The following NLN variants were observed in gnomAD, a reference collection of about 807,000 sequenced individuals.
NLN encodes neurolysin.
In NLN, 64 loss-of-function variants were observed where a neutral mutation model predicts 79.9. That is an observed-to-expected ratio of 0.80 (90% CI 0.65 to 0.99). NLN has a LOEUF of 0.99. Among genes scored for constraint, NLN ranks in the 50% least tolerant of loss-of-function variants. The pLI is 0.00. For synonymous variants in NLN, 267 were observed against 296.6 expected, an observed-to-expected ratio of 0.90 and a Z score of 1.02; for missense variants, 835 against 858.7, an observed-to-expected ratio of 0.97 and a Z score of 0.34.
At chr5:65,802,071 G>A (rs529937108) in intron 9 of NLN, among the ~76,000 whole-genome samples, 43 of 152,280 alleles carry the variant, frequency 2.8e-4, no homozygotes, top group South Asian at 4.1e-4. Context: ...GTAGTGTCAC[G>A]GGATCCTTGG....
intron 8 of NLN, among the ~76,000 whole-genome samples, chr5:65,791,950 T>C (rs895297784): frequency 1.1e-4 from 17 of 152,298 alleles, no homozygotes; most frequent in African/African-American, 3.1e-4. Context: ...AAAAGGCCTG[T>C]CTAGTTTATA....
At chr5:65,753,423 C>A (rs1372674636) in intron 1 of NLN, among the ~76,000 whole-genome samples, 1 of 152,018 alleles carries the variant, frequency 6.6e-6, no homozygotes, top group Admixed American at 6.6e-5. Context: ...CCAAGGTGGG[C>A]GGATCACTTC....
intron 12 of NLN, among the ~76,000 whole-genome samples, chr5:65,816,700 G>A (rs541069167): frequency 6.6e-6 from 1 of 152,250 alleles, no homozygotes; most frequent in African/African-American, 2.4e-5. Context: ...ACATGTCAGT[G>A]AGTGGTGGCT....
At chr5:65,728,163 T>A (rs1758519830) in intron 1 of NLN, among the ~76,000 whole-genome samples, 2 of 152,262 alleles carry the variant, frequency 1.3e-5, no homozygotes, top group South Asian at 4.1e-4. Context: ...AAATATTAAA[T>A]ATATATATAA....
chr5:65,736,945 TA>T (rs891608927), intron 1 of NLN, among the ~76,000 whole-genome samples: 15 of 149,110 alleles, frequency 1.0e-4, no homozygotes, highest in East Asian at 7.8e-4. Context: ...TACAAAACAT[TA>T]AAAAAAAAAT....
At chr5:65,760,843 ATAAT>A (rs909200350) in intron 2 of NLN, among the ~76,000 whole-genome samples, 1 of 152,190 alleles carries the variant, frequency 6.6e-6, no homozygotes, top group Non-Finnish European at 1.5e-5. Context: ...TCTTTATAAA[ATAAT>A]TACTTTAAAT....
intron 1 of NLN, among the ~76,000 whole-genome samples, chr5:65,738,988 T>TTATATATATATTTTATAATATATATTTA (rs375915872): frequency 1.7e-5 from 2 of 118,454 alleles, no homozygotes; most frequent in East Asian, 2.1e-4. Context: ...TATTATATAT[T>TTATATATATATTTTATAATATATATTTA]TATATATATT....
At chr5:65,734,029 C>T (rs1383335368) in intron 1 of NLN, among the ~76,000 whole-genome samples, 2 of 138,942 alleles carry the variant, frequency 1.4e-5, no homozygotes, top group Non-Finnish European at 3.2e-5. Flanking sequence ...TCCAGAGTAG[C>T]TGGGACTACA....
chr5:65,730,391 C>T (rs1211842028), intron 1 of NLN, among the ~76,000 whole-genome samples: 3 of 152,104 alleles, frequency 2.0e-5, no homozygotes, highest in Admixed American at 6.5e-5. Flanking sequence ...GCAGGAGAAA[C>T]GGCACACACC....
chr5:65,827,317 T>C lies in NLN; in HGVS notation c.*4402T>C, dbSNP rs1348281343. ...ACGATGTACGTACAAGGGGAAGGGGTGAACAGGAAATAGACTCCCTTATTC... is the reference window on the plus strand; with the variant it reads ...ACGATGTACGTACAAGGGGAAGGGGCGAACAGGAAATAGACTCCCTTATTC... On this transcript the variant is annotated 3_prime_UTR_variant, in exon 13 of 13. Transcript: ENST00000380985. 6.6e-6 allele frequency: 1 copy of C among 151,916 alleles called. No homozygotes were observed. The highest frequency in any genetic ancestry group is 1.9e-4 in the East Asian group (1 of 5,180). 9.4% of individuals were successfully genotyped at this position (151,916 alleles called of 1,614,324 possible). A position where few individuals can be genotyped will look rare whatever the true frequency, so the allele number is the denominator to read the frequency against.
In NLN at chr5:65,812,354, A is replaced by G. The variant is rs141202524; in HGVS notation, c.1943A>G (p.Tyr648Cys). ...GAAGTATTTTCCATGGATATGTTTT[A>G]CAGCTGTTTTAAAAAAGAAGGGATA... is the stretch of plus-strand genomic sequence containing the variant. The part of the protein sequence containing the change: ...WSEVFSMDMF[Y>C]SCFKKEGIMN... The change falls in exon 12 of 13, where the codon TAC becomes TGC. Residue 648 changes from tyrosine to cysteine, a missense_variant. Tyr to Cys is a radical substitution (Grantham distance 194, BLOSUM62 -2). Transcript: ENST00000380985. The G allele has an allele frequency of 5.1e-6, 8 of 1,568,572 alleles. No homozygotes were observed. In the African/African-American group the frequency reaches 9.5e-5, roughly 19 times the overall value.
At chr5:65,763,769 G>A (rs530118555) in intron 3 of NLN, among the ~76,000 whole-genome samples, 1 of 151,652 alleles carries the variant, frequency 6.6e-6, no homozygotes, top group South Asian at 2.1e-4. Context: ...AGCAGACCGT[G>A]ACAAGAGTTG....
chr5:65,743,239 A>C (rs1344047526), intron 1 of NLN, among the ~76,000 whole-genome samples: 1 of 152,240 alleles, frequency 6.6e-6, no homozygotes, highest in East Asian at 1.9e-4. Context: ...AATATTTACT[A>C]AGCACCAGGG....
chr5:65,771,743 A>G (rs1167598113), intron 3 of NLN, among the ~76,000 whole-genome samples: 4 of 152,118 alleles, frequency 2.6e-5, no homozygotes, highest in African/African-American at 7.2e-5. Flanking sequence ...CCGACCGGGT[A>G]TAGTGGCTCA....
At chr5:65,741,857 A>G (rs189289272) in intron 1 of NLN, among the ~76,000 whole-genome samples, 1 of 152,306 alleles carries the variant, frequency 6.6e-6, no homozygotes, top group East Asian at 1.9e-4. Flanking sequence ...CTTCAAGTTC[A>G]TGTATAATCA....
At chr5:65,736,588 A>G (rs1478831063) in intron 1 of NLN, among the ~76,000 whole-genome samples, 1 of 152,184 alleles carries the variant, frequency 6.6e-6, no homozygotes, top group African/African-American at 2.4e-5. Flanking sequence ...TGTTGTTGTC[A>G]AGCCTTTTGC....
chr5:65,812,067 G>C (rs2150774919), intron 11 of NLN, among the ~76,000 whole-genome samples, 188 bp from the exon 12 acceptor site: 1 of 152,286 alleles, frequency 6.6e-6, no homozygotes, highest in South Asian at 2.1e-4. Context: ...CTGAGGTTGA[G>C]CCATTGATAG....
intron 12 of NLN, 75 bp from the exon 13 acceptor site, chr5:65,822,706 C>T (rs1579977774): frequency 2.7e-6 from 3 of 1,109,686 alleles, no homozygotes; most frequent in East Asian, 4.7e-5. Flanking sequence ...CCCCTACCCT[C>T]TCCTCTTTTG....
At chr5:65,819,828 A>G (rs1760755155) in intron 12 of NLN, among the ~76,000 whole-genome samples, 1 of 152,144 alleles carries the variant, frequency 6.6e-6, no homozygotes, top group Non-Finnish European at 1.5e-5. Flanking sequence ...CGAAACACAA[A>G]AATTCACTTA....
Sources: gnomAD v4.1 joint callset for allele counts (sites outside exome capture counted in the v4.1 genomes callset) on GRCh38, gnomAD v4.1.1 for gene constraint, MANE v1.5 for transcripts, NCBI Gene and HGNC (gene_info 2026-07-23, HGNC 2026-07-21) for gene names.